Variants in EPHA10 observed in about 807,000 individuals in gnomAD.
EPHA10 encodes the protein ephrin type-A receptor 10.
EPHA10 carries 120 observed loss-of-function variants against 109.7 expected under a neutral mutation model. That is an observed-to-expected ratio of 1.09 (90% confidence interval 0.94 to 1.27). The LOEUF (loss-of-function observed/expected upper bound fraction) is 1.27. Ranked by LOEUF, EPHA10 falls within the 50% of genes most tolerant of loss-of-function variation. The probability of loss-of-function intolerance (pLI) is 0.00; values close to 1 mark genes in which losing one functional copy is unlikely to be tolerated. For missense variants in EPHA10, 1,396 were observed against 1,411.1 expected (o/e 0.99, Z 0.17); for synonymous variants, 640 against 618.9 (o/e 1.03, Z -0.51).
chr1:37,722,086 G>A lies in EPHA10; in HGVS notation c.1961-241C>T, dbSNP rs1569633000. Reference sequence around the variant, plus strand: ...GCAGAGGTTTCAGTGAGCTGAGATTGTGCCACTGCACTTCAGACTGGGTGA... The same window carrying A: ...GCAGAGGTTTCAGTGAGCTGAGATTATGCCACTGCACTTCAGACTGGGTGA... On this transcript the variant is annotated intron_variant, in intron 10 of 16. Coordinates refer to ENST00000373048, the MANE Select transcript of EPHA10 (RefSeq NM_001099439.2). 27 of 432,230 alleles carry A rather than the reference G, an allele frequency of 6.2e-5. No homozygotes were observed. In the East Asian group the frequency reaches 1.1e-3, roughly 18 times the overall value. The allele number at this position is 432,230 out of a possible 1,614,324, so 26.8% of individuals were successfully genotyped here.
intron 5 of EPHA10, among the ~76,000 whole-genome samples, chr1:37,738,382 C>T (rs1646102771): frequency 6.6e-6 from 1 of 152,002 alleles, no homozygotes; most frequent in Admixed American, 6.6e-5. Context: ...AAAAGATATA[C>T]AAAAGGCCAA....
In EPHA10 at chr1:37,739,168, AAAAAG is replaced by A. The variant is rs573632372; in HGVS notation, c.1358-3783_1358-3779del. On this transcript the variant is annotated intron_variant, in intron 5 of 16. Coordinates refer to ENST00000373048, the MANE Select transcript of EPHA10 (RefSeq NM_001099439.2). Reference sequence around the variant, plus strand: ...AGTATAATAATAAAAAAGAGTTAAAAAAAAGAAAAGAAAAAAGAATATATGGTGTA... The same window carrying A: ...AGTATAATAATAAAAAAGAGTTAAAAAAAAGAAAAAAGAATATATGGTGTA... 2.5e-3 allele frequency among the ~76,000 whole-genome samples: 388 copies of A among 152,310 alleles called. 5 individuals are homozygous for A. Among genetic ancestry groups the A allele is most frequent in the East Asian group, 0.013 (67 of 5,186 alleles).
chr1:37,714,895 C>G (rs1483218856), downstream of EPHA10: 1 of 152,218 alleles, frequency 6.6e-6, no homozygotes, highest in South Asian at 2.1e-4. Context: ...AAATCCCTGT[C>G]GGCAAACCCA....
chr1:37,728,776 A>G (rs1000747282), intron 7 of EPHA10, among the ~76,000 whole-genome samples: 1 of 152,132 alleles, frequency 6.6e-6, no homozygotes. Context: ...AAAATGCTAG[A>G]GTCAGAGAGG....
At chr1:37,730,542 T>C (rs1645964284) in intron 7 of EPHA10, among the ~76,000 whole-genome samples, 1 of 151,860 alleles carries the variant, frequency 6.6e-6, no homozygotes, top group East Asian at 1.9e-4. Context: ...GGGAGGGAAG[T>C]AAAGGAGGAG....
intron 5 of EPHA10, among the ~76,000 whole-genome samples, chr1:37,752,371 G>A (rs1287629755): frequency 6.6e-6 from 1 of 152,184 alleles, no homozygotes; most frequent in Non-Finnish European, 1.5e-5. Flanking sequence ...ACCATGCAGA[G>A]GCCGAGGGTT....
intron 7 of EPHA10, among the ~76,000 whole-genome samples, chr1:37,729,271 C>G (rs1221893728): frequency 6.6e-6 from 1 of 152,176 alleles, no homozygotes; most frequent in Non-Finnish European, 1.5e-5. Context: ...GGAAGAGACC[C>G]TAAGTCACTG....
chr1:37,761,851 G>A lies in EPHA10; in HGVS notation c.404C>T (p.Ala135Val). ...TFNVYYLETEADLGRGRPRLG... is the reference protein window; with the variant it reads ...TFNVYYLETEVDLGRGRPRLG... ...GCGGGGACGCCCACGGCCCAGGTCG[G>A]CCTCAGTTTCCAGGTAGTAGACGTT... The change falls in exon 3 of 17, where the codon GCC becomes GTC. Residue 135 changes from alanine to valine, a missense_variant. Physicochemically the swap from Ala to Val is moderately conservative, Grantham distance 64. Coordinates refer to ENST00000373048, the MANE Select transcript of EPHA10 (RefSeq NM_001099439.2). The A allele has an allele frequency of 6.2e-7, 1 of 1,613,066 alleles. No individual in the cohort carries two copies. Among genetic ancestry groups the A allele is most frequent in the Non-Finnish European group, 8.5e-7 (1 of 1,179,326 alleles).
rs1360694174 is a variant in EPHA10 at position 37,754,803 on chromosome 1, T to C, written c.851-433A>G. The stretch of plus-strand genomic sequence containing the variant: ...CTTTATCCTCTTTTTATTTTATTTA[T>C]TTTTTCTTTTTTCTTTTCGAGTCTC... On this transcript the variant is annotated intron_variant, in intron 3 of 16. Transcript: ENST00000373048. The surrounding 1 kb of genome is among the most constrained non-coding windows in gnomAD (Gnocchi z 4.5). Among the ~76,000 whole-genome samples the C allele has an allele frequency of 6.6e-6, 1 of 152,150 alleles. No homozygotes were observed. Among genetic ancestry groups the C allele is most frequent in the Non-Finnish European group, 1.5e-5 (1 of 68,020 alleles).
intron 12 of EPHA10, 69 bp downstream of exon 12, chr1:37,720,714 G>C (rs1337449138): frequency 6.3e-7 from 1 of 1,587,768 alleles, no homozygotes; most frequent in African/African-American, 1.3e-5. Flanking sequence ...CCCTACCAAA[G>C]AGAAAAGTGA....
chr1:37,753,081 G>T lies in EPHA10; in HGVS notation c.1152C>A (p.Gly384=). The part of the protein sequence containing the change: ...SLLCLRCGRE[G]PAGACEPCGP... ...CGCACGGCTCGCAGGCGCCCGCCGGGCCCTCGCGGCCGCAGCGCAGGCACA... is the reference window on the plus strand; with the variant it reads ...CGCACGGCTCGCAGGCGCCCGCCGGTCCCTCGCGGCCGCAGCGCAGGCACA... The change falls in exon 5 of 17, where the codon GGC becomes GGA. Residue 384 remains glycine (G), a synonymous_variant. Coordinates refer to ENST00000373048, the MANE Select transcript of EPHA10 (RefSeq NM_001099439.2). 1 of 1,303,842 alleles carries T rather than the reference G, an allele frequency of 7.7e-7. No homozygotes were observed. Among genetic ancestry groups the T allele is most frequent in the Non-Finnish European group, 9.7e-7 (1 of 1,026,252 alleles). 80.8% of individuals were successfully genotyped at this position (1,303,842 alleles called of 1,614,324 possible).
chr1:37,739,966 C>T (rs1341093118), intron 5 of EPHA10, among the ~76,000 whole-genome samples: 2 of 151,960 alleles, frequency 1.3e-5, no homozygotes, highest in African/African-American at 4.8e-5. Flanking sequence ...TGGTGTCACA[C>T]ACCTGTGGTC....
chr1:37,729,369 C>T (rs943422819), intron 7 of EPHA10, among the ~76,000 whole-genome samples: 1 of 152,168 alleles, frequency 6.6e-6, no homozygotes, highest in Non-Finnish European at 1.5e-5. Flanking sequence ...GATGTTGGGG[C>T]AACTCATTAC....
In EPHA10 at chr1:37,754,001, A is replaced by C. The variant is rs1299698480; in HGVS notation, c.1006+214T>G. On this transcript the variant is annotated intron_variant, in intron 4 of 16. Coordinates refer to ENST00000373048, the MANE Select transcript of EPHA10 (RefSeq NM_001099439.2). This position sits in a 1 kb window ranked among gnomAD's most constrained non-coding sequence, Gnocchi z 4.5. ...CCCCATCCTCCGTCTGGACTCTCGC[A>C]GTTGTCCTGGTTCTTCTCATCAAAG... Among the ~76,000 whole-genome samples, 1 of 152,028 alleles carries C rather than the reference A, an allele frequency of 6.6e-6. No homozygotes were observed. The highest frequency in any genetic ancestry group is 1.9e-4 in the East Asian group (1 of 5,172).
intron 12 of EPHA10, 84 bp downstream of exon 12, chr1:37,720,699 C>T: frequency 2.5e-6 from 4 of 1,571,596 alleles, no homozygotes; most frequent in Non-Finnish European, 3.5e-6. Flanking sequence ...GATGCCAATT[C>T]CAAGCCCTAC....
rs1239266760 is a variant in EPHA10 at position 37,718,506 on chromosome 1, C to CACT, written c.2913-23_2913-21dup. The CACT allele has an allele frequency of 1.3e-5, 21 of 1,612,916 alleles. No homozygotes were observed. The highest frequency in any genetic ancestry group is 1.8e-5 in the Non-Finnish European group (21 of 1,179,768). On this transcript the variant is annotated intron_variant, in intron 16 of 16. Transcript: ENST00000373048. ...AGGTCCCTGAAACAAAGGCTGGTCACACTCGGCTGGCTTGTCCCCAACTTC... is the reference window on the plus strand; with the variant it reads ...AGGTCCCTGAAACAAAGGCTGGTCACACTACTCGGCTGGCTTGTCCCCAACTTC...
At chr1:37,744,106 A>G (rs899159321) in intron 5 of EPHA10, among the ~76,000 whole-genome samples, 9 of 152,210 alleles carry the variant, frequency 5.9e-5, no homozygotes, top group Admixed American at 6.5e-5. Flanking sequence ...CAAAACTACA[A>G]CACTAAAAGA....
intron 1 of EPHA10, among the ~76,000 whole-genome samples, chr1:37,763,581 G>A (rs1646451562): frequency 6.6e-6 from 1 of 152,098 alleles, no homozygotes; most frequent in African/African-American, 2.4e-5. Context: ...AATACTCTAA[G>A]GTTGGCTCTC....
intron 5 of EPHA10, among the ~76,000 whole-genome samples, chr1:37,746,087 T>A (rs681868): frequency 0.33 from 48,141 of 145,538 alleles, 7,748 homozygotes; most frequent in East Asian, 0.45. Flanking sequence ...TGTCTCTCCC[T>A]TTTCTTTTCT....
Sources: gnomAD v4.1 joint callset for allele counts (sites outside exome capture counted in the v4.1 genomes callset) on GRCh38, gnomAD v4.1.1 for gene constraint, Gnocchi (gnomAD v3.1) non-coding constraint, MANE v1.5 for transcripts, NCBI Gene and HGNC (gene_info 2026-07-23, HGNC 2026-07-21) for gene names.